Variants in CCBE1 observed in about 807,000 individuals in gnomAD.
CCBE1 encodes the protein collagen and calcium binding EGF domains 1, also known as collagen and calcium-binding EGF domain-containing protein 1.
CCBE1 carries 37 observed loss-of-function variants against 50.0 expected under a neutral mutation model. The observed-to-expected ratio is 0.74, with a 90% CI of 0.57 to 0.97. The LOEUF (loss-of-function observed/expected upper bound fraction) is 0.97. CCBE1 is among the 50% of genes least tolerant of loss of function. CCBE1 has a pLI of 0.00. For synonymous variants in CCBE1, 234 were observed against 203.7 expected (o/e 1.15, Z -1.27); for missense variants, 538 against 523.8 (o/e 1.03, Z -0.26).
rs117202358 is a variant in CCBE1 at position 59,499,608 on chromosome 18, C to T, written c.213-19370G>A. Among the ~76,000 whole-genome samples the T allele has an allele frequency of 3.2e-3, 493 of 152,176 alleles. 2 individuals are homozygous for T. The highest frequency in any genetic ancestry group is 5.7e-3 in the Non-Finnish European group (387 of 68,004). On this transcript the variant is annotated intron_variant, in intron 2 of 10. Transcript: ENST00000439986. ...TATAAAACCATCAGATCCTGTGAGACGTATTCACTATCATGAGAACAGCAC... is the reference window on the plus strand; with the variant it reads ...TATAAAACCATCAGATCCTGTGAGATGTATTCACTATCATGAGAACAGCAC...
chr18:59,625,864 A>G (rs556524109), intron 2 of CCBE1, among the ~76,000 whole-genome samples: 1 of 152,300 alleles, frequency 6.6e-6, no homozygotes, highest in African/African-American at 2.4e-5. Flanking sequence ...CTTGTAAAAG[A>G]GCCCATGTGA....
At chr18:59,536,011 G>A (rs1915233412) in intron 2 of CCBE1, among the ~76,000 whole-genome samples, 1 of 152,140 alleles carries the variant, frequency 6.6e-6, no homozygotes, top group Non-Finnish European at 1.5e-5. Flanking sequence ...ATGAGGAGGA[G>A]AAAGAAACAA....
chr18:59,611,221 G>A (rs866969834), intron 2 of CCBE1, among the ~76,000 whole-genome samples: 2 of 152,334 alleles, frequency 1.3e-5, no homozygotes, highest in Middle Eastern at 3.4e-3. Context: ...GTATCACTCA[G>A]CTTCTTCCCT....
At chr18:59,597,825 G>A (rs922964914) in intron 2 of CCBE1, among the ~76,000 whole-genome samples, 3 of 152,218 alleles carry the variant, frequency 2.0e-5, no homozygotes, top group African/African-American at 4.8e-5. Flanking sequence ...ACTGAGTCTC[G>A]AAACCATTGA....
intron 2 of CCBE1, among the ~76,000 whole-genome samples, chr18:59,525,473 A>G: frequency 6.6e-6 from 1 of 152,126 alleles, no homozygotes; most frequent in East Asian, 1.9e-4. Flanking sequence ...ATAGGTTGCA[A>G]AAGTTCCTCG....
At chr18:59,497,172 G>T (rs926641234) in intron 2 of CCBE1, among the ~76,000 whole-genome samples, 1 of 152,086 alleles carries the variant, frequency 6.6e-6, no homozygotes, top group Non-Finnish European at 1.5e-5. Flanking sequence ...GCTCAATACA[G>T]GGGTTTAAGT....
At chr18:59,696,115 T>G (rs1228896718) in intron 2 of CCBE1, among the ~76,000 whole-genome samples, 1 of 152,162 alleles carries the variant, frequency 6.6e-6, no homozygotes, top group Non-Finnish European at 1.5e-5. Flanking sequence ...GAAAGACTTT[T>G]TTCCTCTGCC....
chr18:59,590,920 A>G (rs905487024), intron 2 of CCBE1, among the ~76,000 whole-genome samples: 3 of 152,198 alleles, frequency 2.0e-5, no homozygotes, highest in Non-Finnish European at 2.9e-5. Context: ...CTAGAAGGAA[A>G]CAGGGACTCC....
chr18:59,572,406 G>T (rs1263796584), intron 2 of CCBE1, among the ~76,000 whole-genome samples: 1 of 152,088 alleles, frequency 6.6e-6, no homozygotes, highest in Non-Finnish European at 1.5e-5. Flanking sequence ...TGAGATTCTA[G>T]AATATCATAT....
chr18:59,443,252 G>T (rs1272035045), intron 7 of CCBE1, among the ~76,000 whole-genome samples: 1 of 152,142 alleles, frequency 6.6e-6, no homozygotes, highest in Non-Finnish European at 1.5e-5. Context: ...CTTGTGTGTG[G>T]AACACAGCAT....
At chr18:59,693,142 A>T (rs1390980500) in intron 2 of CCBE1, among the ~76,000 whole-genome samples, 1 of 152,130 alleles carries the variant, frequency 6.6e-6, no homozygotes, top group Non-Finnish European at 1.5e-5. Flanking sequence ...TTTTTTAAAT[A>T]ATCATTCCAA....
At chr18:59,662,273 G>A (rs1278178381) in intron 2 of CCBE1, among the ~76,000 whole-genome samples, 1 of 152,108 alleles carries the variant, frequency 6.6e-6, no homozygotes. Context: ...GTGCATAGTG[G>A]GACACTCATT....
intron 2 of CCBE1, among the ~76,000 whole-genome samples, chr18:59,572,976 T>C (rs2052936693): frequency 6.6e-6 from 1 of 151,992 alleles, no homozygotes; most frequent in Non-Finnish European, 1.5e-5. Flanking sequence ...TTGAGTAAAG[T>C]ATACTGCCTT....
chr18:59,622,915 CT>C (rs1421118319), intron 2 of CCBE1, among the ~76,000 whole-genome samples: 1 of 151,408 alleles, frequency 6.6e-6, no homozygotes, highest in East Asian at 1.9e-4. Flanking sequence ...AGAGGAAACA[CT>C]CTGGATGATA....
intron 2 of CCBE1, among the ~76,000 whole-genome samples, chr18:59,546,190 C>G (rs1159522563): frequency 2.0e-5 from 3 of 152,148 alleles, no homozygotes; most frequent in African/African-American, 7.2e-5. Context: ...ATGAAAATAG[C>G]CTTTCGTTTT....
At chr18:59,541,594 G>T (rs2564483) in intron 2 of CCBE1, among the ~76,000 whole-genome samples, 93,119 of 151,962 alleles carry the variant, frequency 0.61, 29,045 homozygotes, top group African/African-American at 0.7. Context: ...CAGATCTTCC[G>T]AGAAACAGGA....
At chr18:59,450,754 G>A (rs1003672366) in intron 6 of CCBE1, among the ~76,000 whole-genome samples, 3 of 152,204 alleles carry the variant, frequency 2.0e-5, no homozygotes, top group Admixed American at 2.0e-4. Flanking sequence ...AGACTGGTCT[G>A]TATCTCTTGA....
intron 2 of CCBE1, among the ~76,000 whole-genome samples, chr18:59,585,280 C>T (rs375263955): frequency 6.6e-6 from 1 of 152,070 alleles, no homozygotes; most frequent in South Asian, 2.1e-4. Flanking sequence ...CCCTCTTATC[C>T]CCCATGTAAT....
At chr18:59,638,770 A>G (rs1390258608) in intron 2 of CCBE1, among the ~76,000 whole-genome samples, 2 of 152,214 alleles carry the variant, frequency 1.3e-5, no homozygotes, top group African/African-American at 4.8e-5. Flanking sequence ...GAAACAACAA[A>G]TACAACTTTA....
Sources: gnomAD v4.1 joint callset for allele counts (sites outside exome capture counted in the v4.1 genomes callset) on GRCh38, gnomAD v4.1.1 for gene constraint, MANE v1.5 for transcripts, NCBI Gene and HGNC (gene_info 2026-07-23, HGNC 2026-07-21) for gene names.